The following CMC1 variants were observed in gnomAD, a reference collection of about 807,000 sequenced individuals.
CMC1 encodes the protein COX assembly mitochondrial protein homolog.
CMC1 carries 14 observed loss-of-function variants against 14.1 expected under a neutral mutation model. The ratio of observed to expected loss-of-function variants is 0.99; its 90% confidence interval spans 0.66 to 1.55. The LOEUF (loss-of-function observed/expected upper bound fraction) is 1.55. CMC1 is among the 40% of genes most tolerant of loss of function. The pLI is 0.00. For synonymous variants in CMC1, 50 were observed against 38.4 expected (o/e 1.30, Z -1.12); for missense variants, 127 against 123.8 (o/e 1.03, Z -0.12).
chr3:28,275,766 T>G (rs1252497450), intron 2 of CMC1, among the ~76,000 whole-genome samples: 2 of 151,996 alleles, frequency 1.3e-5, no homozygotes, highest in African/African-American at 2.4e-5. Flanking sequence ...GCCCCCAGGG[T>G]CTCCATCCCA....
At chr3:28,268,109 A>G (rs1700099135) in intron 2 of CMC1, among the ~76,000 whole-genome samples, 1 of 152,220 alleles carries the variant, frequency 6.6e-6, no homozygotes, top group South Asian at 2.1e-4. Context: ...ACAGTCTAAG[A>G]AATACAAGTA....
At position 28,324,436 on chromosome 3, in the gene CMC1, C is replaced by A; in HGVS notation, c.*4807C>A. 1 of 1,506,404 alleles carries A rather than the reference C, an allele frequency of 6.6e-7. No individual in the cohort carries two copies. Among genetic ancestry groups the A allele is most frequent in the East Asian group, 2.3e-5 (1 of 43,918 alleles). 93.3% of individuals were successfully genotyped at this position (1,506,404 alleles called of 1,614,324 possible). Reference sequence around the variant, plus strand: ...GCTGTCTCTTCCAAGGTCTTCACTGCATCCTACAGGGGCACAGGCTAAAAA... The same window carrying A: ...GCTGTCTCTTCCAAGGTCTTCACTGAATCCTACAGGGGCACAGGCTAAAAA... On this transcript the variant is annotated 3_prime_UTR_variant, in exon 4 of 4. Coordinates refer to ENST00000466830, the MANE Select transcript of CMC1 (RefSeq NM_182523.2).
At chr3:28,299,994 C>T (rs1701941532) in intron 2 of CMC1, among the ~76,000 whole-genome samples, 1 of 152,114 alleles carries the variant, frequency 6.6e-6, no homozygotes, top group Non-Finnish European at 1.5e-5. Context: ...AAATAAACTG[C>T]AGCTAGAACT....
chr3:28,260,761 G>T (rs1699695456), intron 1 of CMC1, among the ~76,000 whole-genome samples: 1 of 151,968 alleles, frequency 6.6e-6, no homozygotes, highest in Admixed American at 6.6e-5. Flanking sequence ...TGTTTTAGCT[G>T]CATCACATAA....
intron 2 of CMC1, chr3:28,294,436 C>T (rs1448508228): frequency 1.1e-6 from 1 of 948,416 alleles, no homozygotes; most frequent in African/African-American, 1.8e-5. Flanking sequence ...CAATACAGGA[C>T]AAGTAAATTT....
intron 2 of CMC1, among the ~76,000 whole-genome samples, chr3:28,293,310 T>G (rs1217308366): frequency 3.3e-5 from 5 of 151,658 alleles, no homozygotes; most frequent in Admixed American, 3.3e-4. Flanking sequence ...AGAGGGACTT[T>G]TTTTTTTTTT....
intron 1 of CMC1, among the ~76,000 whole-genome samples, chr3:28,242,664 T>C (rs1698592176): frequency 6.6e-6 from 1 of 152,176 alleles, no homozygotes; most frequent in Non-Finnish European, 1.5e-5. Context: ...AACAATAATA[T>C]GTGGTATGGT....
At chr3:28,289,842 T>G (rs1304707790) in intron 2 of CMC1, among the ~76,000 whole-genome samples, 1 of 152,128 alleles carries the variant, frequency 6.6e-6, no homozygotes, top group Non-Finnish European at 1.5e-5. Context: ...CAAAAATTAC[T>G]CTAAATTCTA....
intron 2 of CMC1, among the ~76,000 whole-genome samples, chr3:28,303,320 T>G (rs1014562947): frequency 8.5e-5 from 13 of 152,194 alleles, no homozygotes; most frequent in Admixed American, 6.6e-4. Flanking sequence ...ACAGTTTCTA[T>G]TCAACATTAT....
chr3:28,269,942 G>T (rs1217479109), intron 2 of CMC1, among the ~76,000 whole-genome samples: 1 of 152,090 alleles, frequency 6.6e-6, no homozygotes, highest in Non-Finnish European at 1.5e-5. Context: ...GCCCCCAACA[G>T]ACCCCAGTGA....
At chr3:28,295,980 T>C (rs1196574361) in intron 2 of CMC1, among the ~76,000 whole-genome samples, 2 of 152,136 alleles carry the variant, frequency 1.3e-5, no homozygotes, top group South Asian at 2.1e-4. Context: ...TCTCCTATTA[T>C]ATAGAATAAG....
intron 1 of CMC1, among the ~76,000 whole-genome samples, chr3:28,245,268 A>T (rs1277964685): frequency 6.6e-6 from 1 of 152,106 alleles, no homozygotes; most frequent in Admixed American, 6.6e-5. Flanking sequence ...ACATAGTTTT[A>T]TTTACATTAT....
rs1395117957 is a variant in CMC1 at position 28,324,345 on chromosome 3, G to C, written c.*4716G>C. ...AAGATGTGGTATGACAAAGAGCTTTGCCATTTGGTAAGAGAGGGGGATGTC... is the reference window on the plus strand; with the variant it reads ...AAGATGTGGTATGACAAAGAGCTTTCCCATTTGGTAAGAGAGGGGGATGTC... On this transcript the variant is annotated 3_prime_UTR_variant, in exon 4 of 4. Transcript: ENST00000466830. The C allele has an allele frequency of 3.8e-6, 6 of 1,599,774 alleles. No homozygotes were observed. Among genetic ancestry groups the C allele is most frequent in the Non-Finnish European group, 4.3e-6 (5 of 1,172,420 alleles).
chr3:28,297,426 G>A (rs1162056251), intron 2 of CMC1, among the ~76,000 whole-genome samples: 1 of 152,018 alleles, frequency 6.6e-6, no homozygotes, highest in East Asian at 1.9e-4. Context: ...TTAGAGATGG[G>A]AAAAGTCTCC....
Position 28,303,503 on chromosome 3 carries a change from TG to T in CMC1, c.110-12829del, listed in dbSNP as rs377665034. Among the ~76,000 whole-genome samples the T allele has an allele frequency of 2.3e-4, 35 of 152,296 alleles. No homozygotes were observed. In the East Asian group the frequency reaches 6.8e-3, roughly 29 times the overall value. Reference sequence around the variant, plus strand: ...CTATGAAACCCCGAAGTTTTGTTACTGTTTTTTTGAATTTTGTTTATGAATA... The same window carrying T: ...CTATGAAACCCCGAAGTTTTGTTACTTTTTTTTGAATTTTGTTTATGAATA... On this transcript the variant is annotated intron_variant, in intron 2 of 3. Transcript: ENST00000466830.
intron 2 of CMC1, among the ~76,000 whole-genome samples, chr3:28,314,462 A>G (rs1702789783): frequency 6.6e-6 from 1 of 152,180 alleles, no homozygotes; most frequent in East Asian, 1.9e-4. Context: ...CAGTTGGAAT[A>G]AAGAAGATAC....
intron 2 of CMC1, among the ~76,000 whole-genome samples, chr3:28,299,520 CTT>C (rs1701914313): frequency 6.6e-6 from 1 of 152,060 alleles, no homozygotes; most frequent in South Asian, 2.1e-4. Flanking sequence ...CTTCTACCTT[CTT>C]GTCTCATTAA....
chr3:28,243,944 A>G (rs113894066), intron 1 of CMC1, among the ~76,000 whole-genome samples: 3 of 152,354 alleles, frequency 2.0e-5, no homozygotes, highest in Non-Finnish European at 4.4e-5. Flanking sequence ...AGGAAGTGTC[A>G]TTTGAATTGG....
intron 2 of CMC1, among the ~76,000 whole-genome samples, chr3:28,315,643 C>T (rs150043127): frequency 7.8e-4 from 118 of 152,234 alleles, no homozygotes; most frequent in African/African-American, 2.4e-3. Flanking sequence ...AATATACAGT[C>T]GTGCACTGCA....
Sources: gnomAD v4.1 joint callset for allele counts (sites outside exome capture counted in the v4.1 genomes callset) on GRCh38, gnomAD v4.1.1 for gene constraint, MANE v1.5 for transcripts, NCBI Gene and HGNC (gene_info 2026-07-23, HGNC 2026-07-21) for gene names.